The following MSH5 variants were observed in gnomAD, a reference collection of about 807,000 sequenced individuals.
MSH5 encodes mutS protein homolog 5.
In MSH5, 78 loss-of-function variants were observed where a neutral mutation model predicts 107.7. The ratio of observed to expected loss-of-function variants is 0.72; its 90% CI spans 0.60 to 0.87. The LOEUF (loss-of-function observed/expected upper bound fraction) is 0.87. MSH5 is among the 40% of genes least tolerant of loss of function. MSH5 has a pLI of 0.00. For synonymous variants in MSH5, 326 were observed against 399.5 expected, an observed-to-expected ratio of 0.82 and a Z score of 2.19; for missense variants, 889 against 1,046.6, an observed-to-expected ratio of 0.85 and a Z score of 2.08.
chr6:31,749,372 C>T (rs765242432), intron 10 of MSH5, among the ~76,000 whole-genome samples: 7 of 151,976 alleles, frequency 4.6e-5, no homozygotes, highest in Non-Finnish European at 8.8e-5. Flanking sequence ...TGAAACTTCA[C>T]GTCTACCGAA....
intron 12 of MSH5, among the ~76,000 whole-genome samples, chr6:31,755,374 A>ATTTATTTATTTT (rs1416529943): frequency 1.5e-5 from 2 of 137,888 alleles, no homozygotes; most frequent in South Asian, 2.3e-4. Context: ...TTATTTATTT[A>ATTTATTTATTTT]TTTTTGAGAC....
At position 31,758,501 on chromosome 6, in the gene MSH5, C is replaced by G. The variant is rs1242854908; in HGVS notation, c.1144-47C>G. The G allele has an allele frequency of 1.9e-6, 3 of 1,604,000 alleles. No individual in the cohort carries two copies. Among genetic ancestry groups the G allele is most frequent in the Non-Finnish European group, 2.6e-6 (3 of 1,172,164 alleles). On this transcript the variant is annotated intron_variant, in intron 13 of 24. Transcript: ENST00000375750. The surrounding 1 kb of genome is among the most constrained non-coding windows in gnomAD (Gnocchi z 5.1). ...TTGGGGCCCAAGGAGAGCTGAGGAACAGGACAGAGGGTGCCAGGTCCTAAG... is the reference window on the plus strand; with the variant it reads ...TTGGGGCCCAAGGAGAGCTGAGGAAGAGGACAGAGGGTGCCAGGTCCTAAG...
chr6:31,749,600 T>C (rs1200195044), intron 10 of MSH5, among the ~76,000 whole-genome samples: 2 of 152,182 alleles, frequency 1.3e-5, no homozygotes, highest in African/African-American at 2.4e-5. Context: ...CCTTTGGCTT[T>C]TACAGGTACC....
At chr6:31,757,453 G>A (rs3117574) in intron 12 of MSH5, 11,674 of 152,022 alleles carry the variant, frequency 0.077, 560 homozygotes, top group Non-Finnish European at 0.11. Flanking sequence ...CCTGATAGCC[G>A]ATGAGGTTTT....
chr6:31,759,880 C>T lies in MSH5; in HGVS notation c.1590C>T (p.Asp530=), dbSNP rs778284276. ...TRVLDLASRL[D]VLLALASAAR... Reference sequence around the variant, plus strand: ...TATTGGACCTTGCCTCCCGCCTGGACGTCCTGCTGGCTCTTGCCAGTGCTG... The same window carrying T: ...TATTGGACCTTGCCTCCCGCCTGGATGTCCTGCTGGCTCTTGCCAGTGCTG... Residue 530 remains aspartate, a synonymous_variant, in exon 18 of 25, where the codon GAC becomes GAT. Coordinates refer to ENST00000375750, the MANE Select transcript of MSH5 (RefSeq NM_172166.4). The surrounding 1 kb of genome is among the most constrained non-coding windows in gnomAD (Gnocchi z 4.7). 1.3e-5 allele frequency: 21 copies of T among 1,614,068 alleles called. No homozygotes were observed. Among genetic ancestry groups the T allele is most frequent in the Middle Eastern group, 1.6e-4 (1 of 6,084 alleles).
rs145519200 is a variant in MSH5 at position 31,753,356 on chromosome 6, G to A, written c.868G>A (p.Val290Ile). The A allele has an allele frequency of 4.2e-5, 68 of 1,614,128 alleles. No individual in the cohort carries two copies. The highest frequency in any genetic ancestry group is 2.8e-4 in the Admixed American group (17 of 60,008). Residue 290 changes from valine to isoleucine, a missense_variant, in exon 11 of 25, where the codon GTC becomes ATC. Val to Ile is a conservative substitution (Grantham distance 29). Around this residue, in one of 3 missense-constraint regions of MSH5, gnomAD observed 518 missense variants for 565.0 expected, o/e 0.92. Coordinates refer to ENST00000375750, the MANE Select transcript of MSH5 (RefSeq NM_172166.4). Reference sequence around the variant, plus strand: ...GGGGGAGCTCAGTTCTCGTCTGGACGTCATTCAGTTTTTTCTGCTGCCCCA... The same window carrying A: ...GGGGGAGCTCAGTTCTCGTCTGGACATCATTCAGTTTTTTCTGCTGCCCCA... ...DLGELSSRLD[V>I]IQFFLLPQNL... is the part of the protein sequence containing the mutation.
In MSH5 at chr6:31,740,417, G is replaced by T. The variant is rs753451234; in HGVS notation, c.-13-37G>T. 2.0e-6 allele frequency: 3 copies of T among 1,538,242 alleles called. No individual in the cohort carries two copies. Among genetic ancestry groups the T allele is most frequent in the South Asian group, 1.2e-5 (1 of 83,034 alleles). On this transcript the variant is annotated intron_variant, in intron 1 of 24. Coordinates refer to ENST00000375750, the MANE Select transcript of MSH5 (RefSeq NM_172166.4). This position sits in a 1 kb window ranked among gnomAD's most constrained non-coding sequence, Gnocchi z 4.4. ...CCTACCCCGGCCTCCTCTGTGAATC[G>T]TTGCTTCCGAACCGCCCTCACTTTT...
Position 31,747,450 on chromosome 6 carries a change from A to G in MSH5, c.812+18A>G. The G allele has an allele frequency of 1.2e-6, 2 of 1,611,954 alleles. No homozygotes were observed. The highest frequency in any genetic ancestry group is 1.1e-5 in the South Asian group (1 of 90,992). On this transcript the variant is annotated intron_variant, in intron 10 of 24. Transcript: ENST00000375750. ...CTGCTCAGGTGAGTGGGTCCCACACATACTACACACTAATGCATGAATTCC... is the reference window on the plus strand; with the variant it reads ...CTGCTCAGGTGAGTGGGTCCCACACGTACTACACACTAATGCATGAATTCC...
chr6:31,743,449 C>T (rs1260452799), intron 5 of MSH5: 9 of 530,100 alleles, frequency 1.7e-5, no homozygotes, highest in Non-Finnish European at 2.7e-5. Context: ...TGTTGGAATT[C>T]TCCCCATTAA....
chr6:31,753,768 GC>G, intron 12 of MSH5, 139 bp downstream of exon 12: 2 of 804,532 alleles, frequency 2.5e-6, no homozygotes, highest in Non-Finnish European at 4.0e-6. Context: ...TCGCTCTGTC[GC>G]CCAGGCTGAA....
intron 10 of MSH5, chr6:31,751,652 A>T (rs1187610598): frequency 6.8e-6 from 1 of 147,758 alleles, no homozygotes; most frequent in African/African-American, 2.5e-5. Context: ...AAAAAAAAAG[A>T]TGTAAATAAT....
Position 31,758,100 on chromosome 6 carries a change from G to T in MSH5, c.1015-65G>T. ...TACTGGTCTTTGTTCTTCTGAGTCT[G>T]TCCCTATCACCACCTCAACCCGAGC... On this transcript the variant is annotated intron_variant, in intron 12 of 24. Transcript: ENST00000375750. The surrounding 1 kb of genome is among the most constrained non-coding windows in gnomAD (Gnocchi z 5.1). 1 of 1,601,544 alleles carries T rather than the reference G, an allele frequency of 6.2e-7. No homozygotes were observed. The highest frequency in any genetic ancestry group is 1.1e-5 in the South Asian group (1 of 90,642).
At position 31,744,694 on chromosome 6, in the gene MSH5, C is replaced by T. The variant is rs1039140859; in HGVS notation, c.683+113C>T. 8.4e-6 allele frequency: 10 copies of T among 1,190,462 alleles called. No homozygotes were observed. The African/African-American group carries it at 1.4e-4, about 16-fold the overall frequency. The allele number at this position is 1,190,462 out of a possible 1,614,324, so 73.7% of individuals were successfully genotyped here. Reference sequence around the variant, plus strand: ...CCTAATCCTGGGGCTATTAAGATCTCTCTCCTTGAAGGAAAGGGAAGGGGG... The same window carrying T: ...CCTAATCCTGGGGCTATTAAGATCTTTCTCCTTGAAGGAAAGGGAAGGGGG... On this transcript the variant is annotated intron_variant, in intron 8 of 24. Transcript: ENST00000375750.
At position 31,762,483 on chromosome 6, in the gene MSH5, C is replaced by T. The variant is rs762566767; in HGVS notation, c.2457C>T (p.Asn819=). The change falls in exon 25 of 25, where the codon AAC becomes AAT. Residue 819 remains asparagine, a synonymous_variant. Coordinates refer to ENST00000375750, the MANE Select transcript of MSH5 (RefSeq NM_172166.4). ...LDLEDPNLDL[N]VFMSQEVLPA... ...TGGAAGATCCTAACCTGGACTTGAA[C>T]GTTTTCATGAGCCAGGAAGTGCTGC... 40 of 1,613,966 alleles carry T rather than the reference C, an allele frequency of 2.5e-5. No individual in the cohort carries two copies. The highest frequency in any genetic ancestry group is 3.1e-5 in the Non-Finnish European group (37 of 1,180,004).
chr6:31,757,160 T>C, intron 12 of MSH5: 1 of 152,204 alleles, frequency 6.6e-6, no homozygotes, highest in Non-Finnish European at 1.5e-5. Context: ...TGTTTGTTTG[T>C]TTGAGATGGA....
chr6:31,747,458 C>T, intron 10 of MSH5, 26 bp downstream of exon 10: 1 of 1,610,112 alleles, frequency 6.2e-7, no homozygotes, highest in Non-Finnish European at 8.5e-7. Flanking sequence ...ACATACTACA[C>T]ACTAATGCAT....
At position 31,761,788 on chromosome 6, in the gene MSH5, ATGATACAC is replaced by A; in HGVS notation, c.2182-27_2182-20del. ...TTTCAGGACAGGAAGGAGGTGATTG[ATGATACAC>A]TGTCTTTTATTCTCTTTTAAGACCA... is the stretch of plus-strand genomic sequence containing the variant. On this transcript the variant is annotated intron_variant, in intron 22 of 24. Transcript: ENST00000375750. The surrounding 1 kb of genome is among the most constrained non-coding windows in gnomAD (Gnocchi z 5.3). 1 of 1,613,074 alleles carries A rather than the reference ATGATACAC, an allele frequency of 6.2e-7. No individual in the cohort carries two copies. Among genetic ancestry groups the A allele is most frequent in the Non-Finnish European group, 8.5e-7 (1 of 1,180,026 alleles).
rs1060505055 is a variant in MSH5, at chr6:31,759,476, G to T, written c.1459G>T (p.Asp487Tyr). 1 of 1,612,710 alleles carries T rather than the reference G, an allele frequency of 6.2e-7. No individual in the cohort carries two copies. Among genetic ancestry groups the T allele is most frequent in the Non-Finnish European group, 8.5e-7 (1 of 1,180,026 alleles). The part of the protein sequence containing the change: ...HYRSARTKEL[D>Y]ALLGDLHCEI... The stretch of plus-strand genomic sequence containing the variant: ...TCGTAGTGCCCGAACCAAGGAGCTG[G>T]ATGCATTGCTGGGGGACCTGCACTG... Residue 487 changes from aspartate (D) to tyrosine (Y), a missense_variant, in exon 17 of 25, where the codon GAT becomes TAT. Asp to Tyr is a radical substitution (Grantham distance 160, BLOSUM62 -3). Coordinates refer to ENST00000375750, the MANE Select transcript of MSH5 (RefSeq NM_172166.4). The surrounding 1 kb of genome is among the most constrained non-coding windows in gnomAD (Gnocchi z 4.7).
rs186327758 is a variant in MSH5 at position 31,754,710 on chromosome 6, T to C, written c.1014+1081T>C. On this transcript the variant is annotated intron_variant, in intron 12 of 24. Transcript: ENST00000375750. Reference sequence around the variant, plus strand: ...TTATTTTGAAGCAAGTCCCAGCCATTATATCATTTCATCCATAAATATTTC... The same window carrying C: ...TTATTTTGAAGCAAGTCCCAGCCATCATATCATTTCATCCATAAATATTTC... Among the ~76,000 whole-genome samples, 708 of 152,228 alleles carry C rather than the reference T, an allele frequency of 4.7e-3. 23 individuals carry two copies. The South Asian group carries it at 0.083, about 18-fold the overall frequency.
Sources: allele counts gnomAD v4.1 joint callset (sites outside exome capture counted in the v4.1 genomes callset), GRCh38; gene constraint gnomAD v4.1.1; regional missense constraint gnomAD v4.1.1; non-coding constraint Gnocchi (gnomAD v3.1); transcripts MANE v1.5; gene names NCBI Gene and HGNC (gene_info 2026-07-23, HGNC 2026-07-21).